Variants in SLC43A3 observed in about 807,000 individuals in gnomAD.
SLC43A3 encodes solute carrier family 43 member 3, also known as equilibrative nucleobase transporter 1.
Under a neutral mutation model 53.3 loss-of-function variants are expected in SLC43A3, and 33 were observed. That is an observed-to-expected ratio of 0.62 (90% CI 0.47 to 0.83). The LOEUF (loss-of-function observed/expected upper bound fraction) is 0.83. SLC43A3 is among the 40% of genes least tolerant of loss of function. The pLI, the probability that SLC43A3 is intolerant of heterozygous loss-of-function variation, is 0.00. For synonymous variants in SLC43A3, 236 were observed against 246.2 expected, an observed-to-expected ratio of 0.96 and a Z score of 0.39; for missense variants, 530 against 610.0, an observed-to-expected ratio of 0.87 and a Z score of 1.38.
chr11:57,412,973 C>G (rs540862552), intron 11 of SLC43A3, among the ~76,000 whole-genome samples: 1 of 150,492 alleles, frequency 6.6e-6, no homozygotes, highest in African/African-American at 2.4e-5. Flanking sequence ...GTTGATCAAT[C>G]TTAACATCGT....
chr11:57,409,427 C>T (rs1480394154), intron 12 of SLC43A3, 129 bp from the exon 13 acceptor site: 23 of 1,009,710 alleles, frequency 2.3e-5, no homozygotes, highest in Non-Finnish European at 3.2e-5. Flanking sequence ...TCCAACCACA[C>T]CTGTCTGGCC....
At chr11:57,412,517 G>T in intron 11 of SLC43A3, among the ~76,000 whole-genome samples, 1 of 152,264 alleles carries the variant, frequency 6.6e-6, no homozygotes, top group Non-Finnish European at 1.5e-5. Flanking sequence ...GTAGAAGATA[G>T]AAATAGAAAA....
intron 13 of SLC43A3, 114 bp downstream of exon 13, chr11:57,409,061 C>A: frequency 1.9e-6 from 2 of 1,031,216 alleles, no homozygotes; most frequent in Non-Finnish European, 3.0e-6. Flanking sequence ...ATAACACAGA[C>A]CCTTTGGGAA....
In SLC43A3 at chr11:57,425,544, G is replaced by T; in HGVS notation, c.311C>A (p.Ala104Asp). Residue 104 changes from alanine (A) to aspartate (D), a missense_variant, in exon 4 of 14, where the codon GCC becomes GAC. By Grantham distance (126) the Ala-to-Asp change is moderately radical. Around this residue, in one of 3 missense-constraint regions of SLC43A3, gnomAD observed 376 missense variants for 386.7 expected, o/e 0.97. Transcript: ENST00000395124. The part of the protein sequence containing the change: ...RFKTTVARLI[A>D]IFFYTTATLI... ...TGGGCTGGCCTTTGGGACTTACATG[G>T]CTATGAGGCGTGCCACGGTGGTCTT... The T allele has an allele frequency of 6.2e-7, 1 of 1,613,760 alleles. No individual in the cohort carries two copies. Among genetic ancestry groups the T allele is most frequent in the Non-Finnish European group, 8.5e-7 (1 of 1,179,922 alleles).
At chr11:57,407,983 T>C in intron 13 of SLC43A3, 87 bp from the exon 14 acceptor site, 1 of 867,592 alleles carries the variant, frequency 1.2e-6, no homozygotes. Flanking sequence ...GTCCATTCCA[T>C]GACCAATGAA....
intron 9 of SLC43A3, 59 bp from the exon 10 acceptor site, chr11:57,415,165 G>A: frequency 1.3e-6 from 2 of 1,583,424 alleles, no homozygotes; most frequent in South Asian, 2.4e-5. Flanking sequence ...GGTAGGATGG[G>A]GAGTGTGGAG....
chr11:57,424,678 G>C (rs1184508097), intron 4 of SLC43A3, among the ~76,000 whole-genome samples: 1 of 152,138 alleles, frequency 6.6e-6, no homozygotes, highest in Non-Finnish European at 1.5e-5. Flanking sequence ...GGGAGGAAAG[G>C]GGAGGTAGCA....
chr11:57,420,372 G>A (rs1356665768), intron 7 of SLC43A3, among the ~76,000 whole-genome samples: 1 of 152,118 alleles, frequency 6.6e-6, no homozygotes, highest in Admixed American at 6.5e-5. Context: ...ACTAGCAACG[G>A]GTAAATGGAT....
At chr11:57,422,671 T>C (rs185814301) in intron 5 of SLC43A3, among the ~76,000 whole-genome samples, 3 of 152,358 alleles carry the variant, frequency 2.0e-5, no homozygotes, top group East Asian at 1.9e-4. Flanking sequence ...CAATGCTTTT[T>C]TCAAAACTGA....
At chr11:57,413,228 G>A (rs1023052150) in intron 11 of SLC43A3, among the ~76,000 whole-genome samples, 5 of 152,152 alleles carry the variant, frequency 3.3e-5, no homozygotes, top group South Asian at 4.1e-4. Context: ...ACAAGAAAAG[G>A]TAGGGGGGAG....
chr11:57,425,902 G>A, intron 3 of SLC43A3, 87 bp downstream of exon 3: 1 of 1,410,628 alleles, frequency 7.1e-7, no homozygotes, highest in Non-Finnish European at 9.8e-7. Flanking sequence ...AGAAAGAGGG[G>A]TGGGCAGGGG....
intron 6 of SLC43A3, 101 bp from the exon 7 acceptor site, chr11:57,421,165 C>T (rs1942968386): frequency 1.7e-6 from 2 of 1,202,766 alleles, no homozygotes. Context: ...CCAAACTCAC[C>T]CTCCACCGCT....
Position 57,414,998 on chromosome 11 carries a change from T to C in SLC43A3, c.878A>G (p.His293Arg). ...GTTGAGAGTGCCAATGAAGAGGTAG[T>C]GCCACAACTGTATCACAGACAGCCA... is the stretch of plus-strand genomic sequence containing the variant. The part of the protein sequence containing the change: ...LVWLSVIQLW[H>R]YLFIGTLNSL... Residue 293 changes from histidine (H) to arginine (R), a missense_variant, in exon 10 of 14, where the codon CAC becomes CGC. His to Arg is a conservative substitution (Grantham distance 29, BLOSUM62 0). This residue lies in a region of SLC43A3 where 376 missense variants were observed against 386.7 expected (regional missense o/e 0.97). Coordinates refer to ENST00000395124, the MANE Select transcript of SLC43A3 (RefSeq NM_199329.3). 3 of 1,614,032 alleles carry C rather than the reference T, an allele frequency of 1.9e-6. No homozygotes were observed. The highest frequency in any genetic ancestry group is 1.1e-5 in the South Asian group (1 of 91,074).
Position 57,424,023 on chromosome 11 carries a change from A to G in SLC43A3, c.320T>C (p.Phe107Ser). 1 of 1,614,064 alleles carries G rather than the reference A, an allele frequency of 6.2e-7. No homozygotes were observed. The highest frequency in any genetic ancestry group is 1.1e-5 in the South Asian group (1 of 91,080). ...TTVARLIAIF[F>S]YTTATLIIAF... is the part of the protein sequence containing the mutation. ...TATGATGAGTGTGGCGGTGGTGTAG[A>G]AAAATCTGAAACACATAACAGGAAA... Residue 107 changes from phenylalanine (F) to serine (S), a missense_variant, in exon 5 of 14, where the codon TTC becomes TCC. By Grantham distance (155) the Phe-to-Ser change is radical. Coordinates refer to ENST00000395124, the MANE Select transcript of SLC43A3 (RefSeq NM_199329.3).
chr11:57,416,585 A>G lies in SLC43A3; in HGVS notation c.757T>C (p.Ser253Pro). 6.2e-7 allele frequency: 1 copy of G among 1,613,532 alleles called. No homozygotes were observed. The highest frequency in any genetic ancestry group is 1.1e-5 in the South Asian group (1 of 91,038). Reference sequence around the variant, plus strand: ...CAGCAGGGCTCACCTTCCTTCGCTGAAAGGAACTCCTTTGACTGTAGCTCC... The same window carrying G: ...CAGCAGGGCTCACCTTCCTTCGCTGGAAGGAACTCCTTTGACTGTAGCTCC... Reference protein sequence around the residue: ...NRELQSKEFLSAKEETPGAGQ... With the variant: ...NRELQSKEFLPAKEETPGAGQ... The change falls in exon 9 of 14, where the codon TCA becomes CCA. Residue 253 changes from serine to proline, a missense_variant. By Grantham distance (74) the Ser-to-Pro change is moderately conservative. This residue lies in a region of SLC43A3 where 376 missense variants were observed against 386.7 expected (regional missense o/e 0.97). Transcript: ENST00000395124.
In SLC43A3 at chr11:57,416,616, T is replaced by A; in HGVS notation, c.726A>T (p.Glu242Asp). Residue 242 changes from glutamate (E) to aspartate (D), a missense_variant, in exon 9 of 14, where the codon GAA becomes GAT. By Grantham distance (45) the Glu-to-Asp change is conservative. Around this residue, in one of 3 missense-constraint regions of SLC43A3, gnomAD observed 376 missense variants for 386.7 expected, o/e 0.97. Transcript: ENST00000395124. ...ACTCCTTTGACTGTAGCTCCCTGTT[T>A]TCATGCTCAGCTGTTTCCTTCTCTT... Reference protein sequence around the residue: ...TKEEKETAEHENRELQSKEFL... With the variant: ...TKEEKETAEHDNRELQSKEFL... The A allele has an allele frequency of 6.2e-7, 1 of 1,614,146 alleles. No individual in the cohort carries two copies. Among genetic ancestry groups the A allele is most frequent in the Non-Finnish European group, 8.5e-7 (1 of 1,180,014 alleles).
At chr11:57,417,011 T>C (rs1303269585) in intron 8 of SLC43A3, among the ~76,000 whole-genome samples, 3 of 152,198 alleles carry the variant, frequency 2.0e-5, no homozygotes, top group African/African-American at 7.2e-5. Context: ...CTGAGCCTCA[T>C]TTTTTGCATT....
At position 57,407,908 on chromosome 11, in the gene SLC43A3, G is replaced by A. The variant is rs772375538; in HGVS notation, c.1372-12C>T. Reference sequence around the variant, plus strand: ...AACATCACATTCACCTGCAGGGAGAGCAGAAGTGAGGTGAAATCCAGGAAT... The same window carrying A: ...AACATCACATTCACCTGCAGGGAGAACAGAAGTGAGGTGAAATCCAGGAAT... On this transcript the variant is annotated splice_polypyrimidine_tract_variant and intron_variant, in intron 13 of 13. Transcript: ENST00000395124. 3 of 1,563,858 alleles carry A rather than the reference G, an allele frequency of 1.9e-6. No individual in the cohort carries two copies. Among genetic ancestry groups the A allele is most frequent in the African/African-American group, 1.4e-5 (1 of 73,886 alleles).
chr11:57,425,982 C>G lies in SLC43A3; in HGVS notation c.184+7G>C. On this transcript the variant is annotated splice_region_variant and intron_variant, in intron 3 of 13. Transcript: ENST00000395124. ...AACTTCCTTAGAAAAGTCATCCCTGCCCTTACCAGCCTGCCCTGTGGCATT... is the reference window on the plus strand; with the variant it reads ...AACTTCCTTAGAAAAGTCATCCCTGGCCTTACCAGCCTGCCCTGTGGCATT... 6.2e-7 allele frequency: 1 copy of G among 1,612,674 alleles called. No homozygotes were observed. Among genetic ancestry groups the G allele is most frequent in the South Asian group, 1.1e-5 (1 of 91,032 alleles).
Sources: allele counts gnomAD v4.1 joint callset (sites outside exome capture counted in the v4.1 genomes callset), GRCh38; gene constraint gnomAD v4.1.1; regional missense constraint gnomAD v4.1.1; transcripts MANE v1.5; gene names NCBI Gene and HGNC (gene_info 2026-07-23, HGNC 2026-07-21).